The following CACNA1E variants were observed in gnomAD, a reference collection of about 807,000 sequenced individuals.
The protein encoded by CACNA1E is calcium voltage-gated channel subunit alpha1 E.
Under a neutral mutation model 259.2 loss-of-function variants are expected in CACNA1E, and 40 were observed. The observed-to-expected ratio is 0.15, with a 90% CI of 0.12 to 0.20. The LOEUF is 0.20. Among genes scored for constraint, CACNA1E ranks in the 10% least tolerant of loss-of-function variants. The pLI is 1.00. For missense variants in CACNA1E, 1,874 were observed against 3,040.1 expected (o/e 0.62, Z 9.02); for synonymous variants, 1,104 against 1,138.5 (o/e 0.97, Z 0.61).
rs1412172036 is a variant in CACNA1E at position 181,483,831 on chromosome 1, C to G, written c.87C>G (p.Pro29=). 4 of 1,613,592 alleles carry G rather than the reference C, an allele frequency of 2.5e-6. No homozygotes were observed. Among genetic ancestry groups the G allele is most frequent in the Non-Finnish European group, 3.4e-6 (4 of 1,179,834 alleles). ...SDQSRNRQGT[P]VPASGQAAAY... is the part of the protein sequence containing the mutation. ...AGAGCAGGAACCGGCAAGGAACCCC[C>G]GTGCCGGCCTCGGGGCAGGCGGCCG... The change falls in exon 1 of 48, where the codon CCC becomes CCG. Residue 29 remains proline, a synonymous_variant. Transcript: ENST00000367573.
chr1:181,707,123 TA>T (rs1652866976), intron 7 of CACNA1E, among the ~76,000 whole-genome samples: 1 of 152,118 alleles, frequency 6.6e-6, no homozygotes, highest in African/African-American at 2.4e-5. Context: ...AGAGGGGCTG[TA>T]AGAGTTAGGA....
At chr1:181,463,902 T>TATTTTTTAAATAAC (rs952932938) in intron 2 of CACNA1E, among the ~76,000 whole-genome samples, 5 of 152,182 alleles carry the variant, frequency 3.3e-5, no homozygotes, top group African/African-American at 4.8e-5. Flanking sequence ...AAGTCATTTA[T>TATTTTTTAAATAAC]ATTTTTTAAA....
chr1:181,650,345 A>G (rs559504371), intron 6 of CACNA1E, among the ~76,000 whole-genome samples: 6 of 152,334 alleles, frequency 3.9e-5, no homozygotes, highest in East Asian at 1.9e-4. Flanking sequence ...AGTGAAGTAG[A>G]GATAAAATAT....
intron 6 of CACNA1E, among the ~76,000 whole-genome samples, chr1:181,642,046 G>A (rs1355284570): frequency 2.0e-5 from 3 of 152,108 alleles, no homozygotes; most frequent in Admixed American, 2.0e-4. Flanking sequence ...AATAATAAGA[G>A]GGAGCAGGGC....
At chr1:181,779,444 G>A (rs748028542) in intron 38 of CACNA1E, 28 of 445,698 alleles carry the variant, frequency 6.3e-5, no homozygotes, top group Admixed American at 4.1e-4. Flanking sequence ...CCTTTACAGC[G>A]GCAGGATCCC....
At chr1:181,784,081 T>C (rs1161616565) in intron 40 of CACNA1E, among the ~76,000 whole-genome samples, 1 of 152,204 alleles carries the variant, frequency 6.6e-6, no homozygotes, top group African/African-American at 2.4e-5. Flanking sequence ...TTGTCCTTTT[T>C]TTCTGTATAT....
intron 6 of CACNA1E, among the ~76,000 whole-genome samples, chr1:181,630,124 G>A (rs1199316285): frequency 1.3e-5 from 2 of 152,152 alleles, no homozygotes; most frequent in African/African-American, 2.4e-5. Flanking sequence ...GGGAATGGGG[G>A]GAGGGTGGGG....
chr1:181,607,711 G>A (rs767755854), intron 6 of CACNA1E, among the ~76,000 whole-genome samples: 1 of 152,210 alleles, frequency 6.6e-6, no homozygotes, highest in Admixed American at 6.5e-5. Context: ...AGCTCCATGA[G>A]AGTGTTGGAA....
At chr1:181,509,946 A>T (rs1472758205) in intron 1 of CACNA1E, among the ~76,000 whole-genome samples, 1 of 152,310 alleles carries the variant, frequency 6.6e-6, no homozygotes, top group Middle Eastern at 3.4e-3. Flanking sequence ...TATTTTCCAG[A>T]TGTTCTTCTG....
chr1:181,354,144 C>CT (rs374722982), intron 1 of CACNA1E, among the ~76,000 whole-genome samples: 36,507 of 135,638 alleles, frequency 0.27, 5,879 homozygotes, highest in African/African-American at 0.47. Flanking sequence ...GGGCAGAGGA[C>CT]TTTTTTTTTT....
chr1:181,792,192 T>A (rs1197798263), intron 44 of CACNA1E, among the ~76,000 whole-genome samples: 1 of 151,866 alleles, frequency 6.6e-6, no homozygotes. Context: ...GGGAAAAAAA[T>A]CTCAATAATG....
intron 7 of CACNA1E, among the ~76,000 whole-genome samples, chr1:181,701,349 C>T (rs1652234279): frequency 6.6e-6 from 1 of 152,184 alleles, no homozygotes; most frequent in Non-Finnish European, 1.5e-5. Flanking sequence ...TAGGATGCTT[C>T]TTTCAGACTG....
At chr1:181,593,573 C>G (rs564676583) in intron 6 of CACNA1E, among the ~76,000 whole-genome samples, 1 of 152,240 alleles carries the variant, frequency 6.6e-6, no homozygotes, top group Non-Finnish European at 1.5e-5. Context: ...GAGTCTTGCT[C>G]TGTCGCCCAG....
chr1:181,614,226 C>T (rs1040750331), intron 6 of CACNA1E, among the ~76,000 whole-genome samples: 92 of 151,972 alleles, frequency 6.1e-4, no homozygotes, highest in African/African-American at 2.2e-3. Context: ...TTCTTTTTTA[C>T]AATGATCCAC....
chr1:181,318,736 C>T (rs1036924727), intron 1 of CACNA1E, among the ~76,000 whole-genome samples: 2 of 152,122 alleles, frequency 1.3e-5, no homozygotes, highest in Non-Finnish European at 2.9e-5. Flanking sequence ...GGAGGCGACT[C>T]GGGACTGCTG....
intron 8 of CACNA1E, among the ~76,000 whole-genome samples, chr1:181,715,108 G>A (rs1472516603): frequency 6.6e-6 from 1 of 152,134 alleles, no homozygotes; most frequent in Non-Finnish European, 1.5e-5. Context: ...CAGACACAGA[G>A]CCGATTGTTA....
chr1:181,642,893 T>C (rs771556382), intron 6 of CACNA1E, among the ~76,000 whole-genome samples: 1 of 152,178 alleles, frequency 6.6e-6, no homozygotes, highest in Non-Finnish European at 1.5e-5. Context: ...TTTAATGTTT[T>C]TCTAATAATC....
At chr1:181,349,093 C>T (rs1652835313) in intron 1 of CACNA1E, among the ~76,000 whole-genome samples, 1 of 145,624 alleles carries the variant, frequency 6.9e-6, no homozygotes, top group Non-Finnish European at 1.5e-5. Flanking sequence ...CTTGGGGACC[C>T]ACGGGAAGAG....
intron 7 of CACNA1E, among the ~76,000 whole-genome samples, chr1:181,699,082 A>G (rs949227949): frequency 2.6e-5 from 4 of 152,230 alleles, no homozygotes; most frequent in African/African-American, 7.2e-5. Context: ...GAGAATTCTT[A>G]GATTGACTAC....
Sources: gnomAD v4.1 joint callset for allele counts (sites outside exome capture counted in the v4.1 genomes callset) on GRCh38, gnomAD v4.1.1 for gene constraint, MANE v1.5 for transcripts, NCBI Gene and HGNC (gene_info 2026-07-23, HGNC 2026-07-21) for gene names.